The following C5orf24 variants were observed in gnomAD, a reference collection of about 807,000 sequenced individuals.
The protein encoded by C5orf24 is UPF0461 protein C5orf24.
In C5orf24, 4 loss-of-function variants were observed where a neutral mutation model predicts 9.8. The observed-to-expected ratio is 0.41, with a 90% CI of 0.20 to 0.93. The LOEUF is 0.93. Ranked by LOEUF, C5orf24 falls within the 40% of genes least tolerant of loss-of-function variation. The probability of loss-of-function intolerance (pLI) is 0.33; values close to 1 mark genes in which losing one functional copy is unlikely to be tolerated. For synonymous variants in C5orf24, 73 were observed against 81.3 expected (o/e 0.90, Z 0.55); for missense variants, 170 against 236.9 (o/e 0.72, Z 1.85).
chr5:134,839,215 A>C, the C5orf24 span, among the ~76,000 whole-genome samples: 1 of 151,598 alleles, frequency 6.6e-6, no homozygotes, highest in African/African-American at 2.4e-5. Flanking sequence ...AAAAAAAAAA[A>C]CCCAATCTGA....
At chr5:134,854,838 G>A in intron 1 of C5orf24, 60 bp from the exon 2 acceptor site, 2 of 1,547,130 alleles carry the variant, frequency 1.3e-6, no homozygotes, top group South Asian at 1.1e-5. Flanking sequence ...ACTGAATGCT[G>A]CATACAGGTA....
Position 134,856,170 on chromosome 5 carries a change from A to T in C5orf24, c.*703A>T. The T allele has an allele frequency of 2.0e-6, 2 of 997,014 alleles. No individual in the cohort carries two copies. Among genetic ancestry groups the T allele is most frequent in the Non-Finnish European group, 2.4e-6 (2 of 827,042 alleles). 61.8% of individuals were successfully genotyped at this position (997,014 alleles called of 1,614,324 possible). ...GCATATATACCAAACACTACAAACA[A>T]TTCATATTTACAGAAAATTTAAACT... On this transcript the variant is annotated 3_prime_UTR_variant, in exon 2 of 2. Transcript: ENST00000394976.
At position 134,857,286 on chromosome 5, in the gene C5orf24, G is replaced by A; in HGVS notation, c.*1819G>A. The A allele has an allele frequency of 6.8e-7, 1 of 1,474,066 alleles. No individual in the cohort carries two copies. Among genetic ancestry groups the A allele is most frequent in the Non-Finnish European group, 9.1e-7 (1 of 1,101,116 alleles). 91.3% of individuals were successfully genotyped at this position (1,474,066 alleles called of 1,614,324 possible). ...AAAATTTTAAAAGAGCACATGTTGT[G>A]TTTTTTGGGCTTGCTATTAATGCAA... On this transcript the variant is annotated 3_prime_UTR_variant, in exon 2 of 2. Transcript: ENST00000394976.
In C5orf24 at chr5:134,857,737, C is replaced by T. The variant is rs1014136846; in HGVS notation, c.*2270C>T. 9.0e-6 allele frequency: 2 copies of T among 221,722 alleles called. No homozygotes were observed. Among genetic ancestry groups the T allele is most frequent in the African/African-American group, 2.3e-5 (1 of 43,620 alleles). The allele number at this position is 221,722 out of a possible 1,614,324, so 13.7% of individuals were successfully genotyped here. On this transcript the variant is annotated 3_prime_UTR_variant, in exon 2 of 2. Coordinates refer to ENST00000394976, the MANE Select transcript of C5orf24 (RefSeq NM_001135586.1). ...TTTAGCTGTTTCTCAAGATGATGTT[C>T]AGCAGTTGGCTGCTTAGAAATCTTT... is the stretch of plus-strand genomic sequence containing the variant.
intron 1 of C5orf24, among the ~76,000 whole-genome samples, chr5:134,853,674 TTA>T (rs1756229077): frequency 6.6e-6 from 1 of 152,002 alleles, no homozygotes; most frequent in East Asian, 1.9e-4. Context: ...GGACTGTTCT[TTA>T]ATAAGTCACA....
At chr5:134,837,578 A>C in the C5orf24 span, among the ~76,000 whole-genome samples, 1 of 151,496 alleles carries the variant, frequency 6.6e-6, no homozygotes, top group Non-Finnish European at 1.5e-5. Context: ...TTGGGAGGTG[A>C]TTATGTCATG....
Position 134,857,592 on chromosome 5 carries a change from G to T in C5orf24, c.*2125G>T. ...TAAATTGCTACAAGAGCTTTTTCTT[G>T]CAAAAGCTTAAAATACAAGATTTTT... On this transcript the variant is annotated 3_prime_UTR_variant, in exon 2 of 2. Coordinates refer to ENST00000394976, the MANE Select transcript of C5orf24 (RefSeq NM_001135586.1). 1.6e-6 allele frequency: 1 copy of T among 612,988 alleles called. No individual in the cohort carries two copies. 38.0% of individuals were successfully genotyped at this position (612,988 alleles called of 1,614,324 possible).
upstream of C5orf24, among the ~76,000 whole-genome samples, chr5:134,845,460 C>A (rs1047489379): frequency 6.6e-6 from 1 of 152,154 alleles, no homozygotes; most frequent in African/African-American, 2.4e-5. Context: ...ACTGATATGT[C>A]AGATATCTCA....
At chr5:134,851,807 C>A (rs1756167781) in intron 1 of C5orf24, among the ~76,000 whole-genome samples, 1 of 152,166 alleles carries the variant, frequency 6.6e-6, no homozygotes, top group Non-Finnish European at 1.5e-5. Context: ...AAGAACCAAG[C>A]TTATTGCCTG....
intron 1 of C5orf24, among the ~76,000 whole-genome samples, chr5:134,849,699 C>T (rs1470850951): frequency 7.2e-6 from 1 of 138,524 alleles, no homozygotes; most frequent in Non-Finnish European, 1.5e-5. Flanking sequence ...ACTCTGTTGC[C>T]CAGCCTGGAG....
chr5:134,839,568 C>T, the C5orf24 span, among the ~76,000 whole-genome samples: 1 of 152,118 alleles, frequency 6.6e-6, no homozygotes, highest in South Asian at 2.1e-4. Flanking sequence ...TTATATCAAG[C>T]AGCATTATTA....
chr5:134,857,665 C>T lies in C5orf24; in HGVS notation c.*2198C>T. The T allele has an allele frequency of 2.9e-6, 1 of 346,684 alleles. No individual in the cohort carries two copies. Among genetic ancestry groups the T allele is most frequent in the Non-Finnish European group, 5.3e-6 (1 of 187,570 alleles). 21.5% of individuals were successfully genotyped at this position (346,684 alleles called of 1,614,324 possible). On this transcript the variant is annotated 3_prime_UTR_variant, in exon 2 of 2. Coordinates refer to ENST00000394976, the MANE Select transcript of C5orf24 (RefSeq NM_001135586.1). ...AACTTCTGACACACACAAATGCTTG[C>T]CTCTTTATTCATATGTTCGTTACCT... is the stretch of plus-strand genomic sequence containing the variant.
At position 134,858,223 on chromosome 5, in the gene C5orf24, T is replaced by C. The variant is rs1252176448; in HGVS notation, c.*2756T>C. 6.0e-6 allele frequency: 1 copy of C among 167,122 alleles called. No homozygotes were observed. The highest frequency in any genetic ancestry group is 1.5e-5 in the Non-Finnish European group (1 of 68,130). 10.4% of individuals were successfully genotyped at this position (167,122 alleles called of 1,614,324 possible). A position where few individuals can be genotyped will look rare whatever the true frequency, so the allele number is the denominator to read the frequency against. The stretch of plus-strand genomic sequence containing the variant: ...CTGAGCGGTTACCTGGAGTATTATA[T>C]CTATGCACTGGTGAGCATCTCCTGA... On this transcript the variant is annotated 3_prime_UTR_variant, in exon 2 of 2. Transcript: ENST00000394976.
chr5:134,854,573 A>G (rs560202606), intron 1 of C5orf24, among the ~76,000 whole-genome samples: 17 of 152,368 alleles, frequency 1.1e-4, no homozygotes, highest in African/African-American at 3.1e-4. Context: ...TTAGTAATCT[A>G]GAAGAGAAAA....
intron 1 of C5orf24, among the ~76,000 whole-genome samples, chr5:134,853,859 G>C (rs10440785): frequency 1.3e-5 from 2 of 152,200 alleles, no homozygotes; most frequent in African/African-American, 4.8e-5. Context: ...GAGGCGGGCA[G>C]ATCACGAGGT....
chr5:134,859,351 T>C lies in C5orf24; in HGVS notation c.*3884T>C, dbSNP rs1331786217. On this transcript the variant is annotated 3_prime_UTR_variant, in exon 2 of 2. Transcript: ENST00000394976. ...GTATGCTGTTAAACTCTAGGATGTA[T>C]CTGAATCTTTCCTTTTTTCCCCCCT... 2.4e-5 allele frequency: 4 copies of C among 167,176 alleles called. No homozygotes were observed. In the East Asian group the frequency reaches 5.8e-4, roughly 24 times the overall value. The allele number at this position is 167,176 out of a possible 1,614,324, so 10.4% of individuals were successfully genotyped here. A position where few individuals can be genotyped will look rare whatever the true frequency, so the allele number is the denominator to read the frequency against.
At position 134,856,798 on chromosome 5, in the gene C5orf24, T is replaced by C. The variant is rs1756326341; in HGVS notation, c.*1331T>C. 2 of 1,000,172 alleles carry C rather than the reference T, an allele frequency of 2.0e-6. No individual in the cohort carries two copies. Among genetic ancestry groups the C allele is most frequent in the Non-Finnish European group, 1.2e-6 (1 of 829,988 alleles). 62.0% of individuals were successfully genotyped at this position (1,000,172 alleles called of 1,614,324 possible). On this transcript the variant is annotated 3_prime_UTR_variant, in exon 2 of 2. Transcript: ENST00000394976. ...GTTGATATCTACCAAAGGACACAAA[T>C]TGAATGGTAGACTGTAAAACTGGTA...
chr5:134,843,699 C>T (rs888241335), upstream of C5orf24, among the ~76,000 whole-genome samples: 3 of 152,136 alleles, frequency 2.0e-5, no homozygotes, highest in African/African-American at 4.8e-5. Flanking sequence ...TGGGATTTAG[C>T]GACATGCACC....
the C5orf24 span, among the ~76,000 whole-genome samples, chr5:134,837,305 A>T: frequency 6.6e-6 from 1 of 152,204 alleles, no homozygotes; most frequent in African/African-American, 2.4e-5. Context: ...TAAAATTCAG[A>T]TATAATATGT....
Sources: gnomAD v4.1 joint callset for allele counts (sites outside exome capture counted in the v4.1 genomes callset) on GRCh38, gnomAD v4.1.1 for gene constraint, MANE v1.5 for transcripts, NCBI Gene and HGNC (gene_info 2026-07-23, HGNC 2026-07-21) for gene names.